Variants in PIWIL4 observed in about 807,000 individuals in gnomAD.
PIWIL4 encodes the protein piwi like RNA-mediated gene silencing 4, also known as piwi-like protein 4.
PIWIL4 carries 50 observed loss-of-function variants against 100.9 expected under a neutral mutation model. That is an observed-to-expected ratio of 0.50 (90% CI 0.39 to 0.63). The LOEUF (loss-of-function observed/expected upper bound fraction) is 0.63, where lower values mean the gene tolerates loss of function less well. Ranked by LOEUF, PIWIL4 falls within the 20% of genes least tolerant of loss-of-function variation. The pLI is 0.00. For missense variants in PIWIL4, 887 were observed against 1,043.3 expected (o/e 0.85, Z 2.06); for synonymous variants, 342 against 367.5 (o/e 0.93, Z 0.79).
In PIWIL4 at chr11:94,604,001, A is replaced by G; in HGVS notation, c.1583A>G (p.Asn528Ser). ...TTATGTAGCATAAAAGTACAAGAAA[A>G]TCCAGCTGCATTTGTTAGAGCTATA... ...DYPKIIKVQENPAAFVRAIQQ... is the reference protein window; with the variant it reads ...DYPKIIKVQESPAAFVRAIQQ... The change falls in exon 13 of 20, where the codon AAT becomes AGT. Residue 528 changes from asparagine to serine, a missense_variant. Coordinates refer to ENST00000299001, the MANE Select transcript of PIWIL4 (RefSeq NM_152431.3). 1 of 1,605,644 alleles carries G rather than the reference A, an allele frequency of 6.2e-7. No homozygotes were observed.
At chr11:94,586,925 C>T in intron 6 of PIWIL4, 125 bp from the exon 7 acceptor site, 1 of 983,106 alleles carries the variant, frequency 1.0e-6, no homozygotes, top group Non-Finnish European at 1.5e-6. Context: ...AGAAATCAGA[C>T]TAAAGAAAAA....
At chr11:94,616,938 A>G (rs1342868318) in intron 16 of PIWIL4, among the ~76,000 whole-genome samples, 1 of 152,190 alleles carries the variant, frequency 6.6e-6, no homozygotes, top group East Asian at 1.9e-4. Flanking sequence ...GGGTGCTAAC[A>G]GATAAAGTGG....
intron 2 of PIWIL4, among the ~76,000 whole-genome samples, chr11:94,572,132 G>C (rs1453204585): frequency 1.3e-5 from 2 of 152,162 alleles, no homozygotes; most frequent in Non-Finnish European, 2.9e-5. Context: ...TTTTGATGGG[G>C]TTGTTTGATT....
intron 15 of PIWIL4, among the ~76,000 whole-genome samples, chr11:94,615,282 A>G (rs1014446485): frequency 7.9e-5 from 12 of 152,176 alleles, no homozygotes; most frequent in African/African-American, 2.9e-4. Context: ...CTCACTCACT[A>G]CACTCTAATT....
chr11:94,596,397 AATT>A (rs1948559779), intron 10 of PIWIL4, among the ~76,000 whole-genome samples: 1 of 152,116 alleles, frequency 6.6e-6, no homozygotes, highest in Non-Finnish European at 1.5e-5. Context: ...ATCACAATTG[AATT>A]AATAATTAAT....
chr11:94,602,114 G>A (rs1055034517), intron 12 of PIWIL4, 135 bp downstream of exon 12: 2 of 745,464 alleles, frequency 2.7e-6, no homozygotes, highest in African/African-American at 1.8e-5. Flanking sequence ...GTAGTCATAA[G>A]TAGATAGATT....
At chr11:94,608,909 T>C (rs1211931500) in intron 15 of PIWIL4, among the ~76,000 whole-genome samples, 1 of 152,252 alleles carries the variant, frequency 6.6e-6, no homozygotes, top group Non-Finnish European at 1.5e-5. Context: ...GGGTGAGCTA[T>C]TGCTCATCTT....
At chr11:94,596,862 G>A (rs772517160) in intron 10 of PIWIL4, among the ~76,000 whole-genome samples, 4 of 152,158 alleles carry the variant, frequency 2.6e-5, no homozygotes, top group South Asian at 2.1e-4. Context: ...GACATAATCC[G>A]AATAGGTGGA....
At chr11:94,600,179 C>T (rs1948614215) in intron 11 of PIWIL4, among the ~76,000 whole-genome samples, 1 of 152,124 alleles carries the variant, frequency 6.6e-6, no homozygotes, top group South Asian at 2.1e-4. Context: ...CATGAGAGAC[C>T]TTTTGAGAGT....
chr11:94,590,787 T>C (rs1948474262), intron 8 of PIWIL4, among the ~76,000 whole-genome samples: 1 of 152,230 alleles, frequency 6.6e-6, no homozygotes. Flanking sequence ...ACTGCATTAA[T>C]GCAGGCCATC....
intron 13 of PIWIL4, among the ~76,000 whole-genome samples, chr11:94,605,355 G>A (rs1054937687): frequency 5.3e-5 from 8 of 152,010 alleles, no homozygotes; most frequent in Non-Finnish European, 1.2e-4. Context: ...TTTGTATAAC[G>A]TCCCTCGATT....
intron 12 of PIWIL4, among the ~76,000 whole-genome samples, chr11:94,603,298 G>T (rs1337502412): frequency 6.6e-6 from 1 of 152,108 alleles, no homozygotes; most frequent in East Asian, 1.9e-4. Flanking sequence ...AAGCCGCTGG[G>T]CATTGGGACA....
chr11:94,590,508 C>T (rs7107559), intron 8 of PIWIL4, among the ~76,000 whole-genome samples: 43,478 of 152,030 alleles, frequency 0.29, 6,368 homozygotes, highest in East Asian at 0.43. Context: ...AAATATAGTG[C>T]TTTTGCCTAG....
rs111818371 is a variant in PIWIL4, at chr11:94,592,305, G to GT, written c.1027-1210dup. Among the ~76,000 whole-genome samples the GT allele has an allele frequency of 6.6e-4, 101 of 152,322 alleles. No homozygotes were observed. In the East Asian group the frequency reaches 7.5e-3, roughly 11 times the overall value. Reference sequence around the variant, plus strand: ...GACAATAATAGTATCTCTTTCATCAGTTTGTTGTGCTTTATCGTGCTTTGT... The same window carrying GT: ...GACAATAATAGTATCTCTTTCATCAGTTTTGTTGTGCTTTATCGTGCTTTGT... On this transcript the variant is annotated intron_variant, in intron 8 of 19. Transcript: ENST00000299001.
chr11:94,573,380 A>G (rs1948187448), intron 2 of PIWIL4, among the ~76,000 whole-genome samples: 1 of 152,172 alleles, frequency 6.6e-6, no homozygotes, highest in African/African-American at 2.4e-5. Context: ...TTTCAAAGGG[A>G]ATGCTTCCAG....
intron 12 of PIWIL4, 65 bp downstream of exon 12, chr11:94,602,044 C>T: frequency 7.0e-7 from 1 of 1,425,704 alleles, no homozygotes; most frequent in Non-Finnish European, 9.5e-7. Flanking sequence ...GGAATAATGG[C>T]AGATGTATCA....
At chr11:94,579,757 T>C (rs973801742) in intron 4 of PIWIL4, among the ~76,000 whole-genome samples, 1 of 152,220 alleles carries the variant, frequency 6.6e-6, no homozygotes, top group African/African-American at 2.4e-5. Context: ...TAAGAAACAT[T>C]TTTATTCACC....
chr11:94,614,541 T>C (rs753255411), intron 15 of PIWIL4, among the ~76,000 whole-genome samples: 2 of 152,136 alleles, frequency 1.3e-5, no homozygotes, highest in Non-Finnish European at 2.9e-5. Flanking sequence ...ACTCCTGACT[T>C]CAGGTGATCC....
intron 16 of PIWIL4, chr11:94,617,745 A>T: frequency 2.0e-6 from 1 of 507,292 alleles, no homozygotes; most frequent in East Asian, 3.1e-5. Context: ...CATAGAAACC[A>T]TTGTGATTCC....
Sources: gnomAD v4.1 joint callset for allele counts (sites outside exome capture counted in the v4.1 genomes callset) on GRCh38, gnomAD v4.1.1 for gene constraint, MANE v1.5 for transcripts, NCBI Gene and HGNC (gene_info 2026-07-23, HGNC 2026-07-21) for gene names.